BICD2: variants seen among roughly 807,000 people sequenced by gnomAD.
The protein encoded by BICD2 is BICD cargo adaptor 2.
A neutral mutation model predicts 72.9 loss-of-function variants in BICD2; 25 were observed. The ratio of observed to expected loss-of-function variants is 0.34; its 90% confidence interval spans 0.25 to 0.48. The LOEUF (loss-of-function observed/expected upper bound fraction) is 0.48. Among genes scored for constraint, BICD2 ranks in the 20% least tolerant of loss-of-function variants. BICD2 has a pLI of 0.99. For missense variants in BICD2, 894 were observed against 1,175.2 expected, an observed-to-expected ratio of 0.76 and a Z score of 3.50; for synonymous variants, 501 against 516.1, an observed-to-expected ratio of 0.97 and a Z score of 0.40.
intron 1 of BICD2, among the ~76,000 whole-genome samples, chr9:92,759,911 G>A (rs1854336149): frequency 6.6e-6 from 1 of 152,340 alleles, no homozygotes; most frequent in Admixed American, 6.5e-5. Context: ...AGGGACTGTG[G>A]TCCCTAAGTG....
At chr9:92,759,759 C>T (rs372116666) in intron 1 of BICD2, among the ~76,000 whole-genome samples, 1 of 152,350 alleles carries the variant, frequency 6.6e-6, no homozygotes, top group South Asian at 2.1e-4. Context: ...AGCTGGTGTA[C>T]TGTCTGAGAA....
chr9:92,756,260 C>CTT (rs377608753), intron 1 of BICD2, among the ~76,000 whole-genome samples: 14 of 144,710 alleles, frequency 9.7e-5, no homozygotes, highest in Non-Finnish European at 1.8e-4. Flanking sequence ...ACCCTGGCTA[C>CTT]TTTTTTTTTT....
At chr9:92,721,800 C>A (rs1373869368) in intron 3 of BICD2, among the ~76,000 whole-genome samples, 1 of 152,248 alleles carries the variant, frequency 6.6e-6, no homozygotes, top group Admixed American at 6.5e-5. Context: ...GCTCTGCCAA[C>A]AGCAGCACCA....
At chr9:92,730,303 T>C (rs949150143) in intron 1 of BICD2, among the ~76,000 whole-genome samples, 2 of 152,188 alleles carry the variant, frequency 1.3e-5, no homozygotes, top group Non-Finnish European at 2.9e-5. Flanking sequence ...GATGGCTTTG[T>C]TTTCCTAAAA....
chr9:92,755,810 C>A (rs369444183), intron 1 of BICD2, among the ~76,000 whole-genome samples: 1 of 152,198 alleles, frequency 6.6e-6, no homozygotes, highest in East Asian at 1.9e-4. Context: ...GGAGCCCAGG[C>A]AGCAGGCAAC....
At chr9:92,727,560 ACC>A (rs777390162) in intron 2 of BICD2, among the ~76,000 whole-genome samples, 52 of 152,286 alleles carry the variant, frequency 3.4e-4, no homozygotes, top group Admixed American at 5.2e-4. Context: ...CCCAATGAGA[ACC>A]TGGGGCTGAC....
At chr9:92,735,438 G>C (rs1853763846) in intron 1 of BICD2, among the ~76,000 whole-genome samples, 1 of 151,998 alleles carries the variant, frequency 6.6e-6, no homozygotes, top group Non-Finnish European at 1.5e-5. Flanking sequence ...ACCACATGGG[G>C]TGGGAAGGCC....
chr9:92,718,580 G>A lies in BICD2; in HGVS notation c.2065C>T (p.Gln689Ter). The change falls in exon 5 of 7, where the codon CAG becomes TAG. Residue 689 changes from glutamine (Q) to a stop codon, truncating the protein, a stop_gained. Coordinates refer to ENST00000356884, the MANE Select transcript of BICD2 (RefSeq NM_001003800.2). LOFTEE classifies it high-confidence loss of function. The part of the protein sequence containing the change: ...LKSLLSTKRE[Q>*]ITTLRTVLKA... ...AGCACAGTGCGCAGCGTGGTGATCT[G>A]CTCCCGCTTGGTGCTGAGCAGCGAC... The A allele has an allele frequency of 6.2e-7, 1 of 1,613,350 alleles. No individual in the cohort carries two copies. Among genetic ancestry groups the A allele is most frequent in the Non-Finnish European group, 8.5e-7 (1 of 1,179,994 alleles).
chr9:92,738,626 T>C (rs958047798), intron 1 of BICD2, among the ~76,000 whole-genome samples: 2 of 152,190 alleles, frequency 1.3e-5, no homozygotes, highest in Non-Finnish European at 2.9e-5. Context: ...TACAGGGAGT[T>C]GAAACAGGTC....
chr9:92,751,478 A>G (rs1372998286), intron 1 of BICD2, among the ~76,000 whole-genome samples: 2 of 152,186 alleles, frequency 1.3e-5, no homozygotes, highest in East Asian at 1.9e-4. Context: ...AGTAGAGTCT[A>G]TAAGACTAAA....
intron 1 of BICD2, among the ~76,000 whole-genome samples, chr9:92,730,658 T>C (rs1196451995): frequency 3.3e-5 from 5 of 152,084 alleles, no homozygotes; most frequent in African/African-American, 1.2e-4. Context: ...GATGTATGTG[T>C]TGTGTGTGTG....
chr9:92,729,409 T>A (rs1853636233), intron 1 of BICD2, among the ~76,000 whole-genome samples, 173 bp from the exon 2 acceptor site: 1 of 152,248 alleles, frequency 6.6e-6, no homozygotes, highest in Non-Finnish European at 1.5e-5. Context: ...TGCACTGTGG[T>A]GTGCACATAT....
At chr9:92,745,446 AG>A (rs1003668970) in intron 1 of BICD2, among the ~76,000 whole-genome samples, 28 of 150,626 alleles carry the variant, frequency 1.9e-4, no homozygotes, top group Admixed American at 6.6e-4. Context: ...GGGACAGGGG[AG>A]GGGGGTCCCC....
At chr9:92,760,686 G>C (rs897199198) in intron 1 of BICD2, among the ~76,000 whole-genome samples, 6 of 152,148 alleles carry the variant, frequency 3.9e-5, no homozygotes, top group Non-Finnish European at 8.8e-5. Context: ...CTCCCCAACT[G>C]TCAGACCCAT....
chr9:92,742,662 C>T lies in BICD2; in HGVS notation c.241-13426G>A, dbSNP rs577504293. On this transcript the variant is annotated intron_variant, in intron 1 of 6. Transcript: ENST00000356884. Reference sequence around the variant, plus strand: ...CCTCCCAAAGTGCTGGGATTACAGGCGTGAGCCACTGTGCCCGGCCTAATT... The same window carrying T: ...CCTCCCAAAGTGCTGGGATTACAGGTGTGAGCCACTGTGCCCGGCCTAATT... 2.6e-5 allele frequency among the ~76,000 whole-genome samples: 4 copies of T among 152,074 alleles called. No individual in the cohort carries two copies. In the South Asian group the frequency reaches 8.3e-4, roughly 32 times the overall value.
chr9:92,763,946 A>T (rs1449798664), intron 1 of BICD2, among the ~76,000 whole-genome samples: 1 of 152,212 alleles, frequency 6.6e-6, no homozygotes, highest in Admixed American at 6.5e-5. Flanking sequence ...CTACTCACTT[A>T]GGCCGCTGTC....
At chr9:92,761,528 G>C (rs1854372556) in intron 1 of BICD2, among the ~76,000 whole-genome samples, 1 of 152,196 alleles carries the variant, frequency 6.6e-6, no homozygotes, top group Admixed American at 6.5e-5. Context: ...AGTCAAGACT[G>C]TTCTCAGACC....
At chr9:92,717,223 G>A (rs1853334357) in intron 6 of BICD2, among the ~76,000 whole-genome samples, 1 of 152,188 alleles carries the variant, frequency 6.6e-6, no homozygotes, top group Non-Finnish European at 1.5e-5. Context: ...TCAAGGGGTG[G>A]GAGCCCAAGC....
At chr9:92,760,456 G>A (rs1001878637) in intron 1 of BICD2, among the ~76,000 whole-genome samples, 4 of 152,148 alleles carry the variant, frequency 2.6e-5, no homozygotes. Flanking sequence ...ATACACAAGT[G>A]CCCAGTCGCC....
Sources: gnomAD v4.1 joint callset for allele counts (sites outside exome capture counted in the v4.1 genomes callset) on GRCh38, gnomAD v4.1.1 for gene constraint, MANE v1.5 for transcripts, NCBI Gene and HGNC (gene_info 2026-07-23, HGNC 2026-07-21) for gene names.